GSK3B: variants seen among roughly 807,000 people sequenced by gnomAD.
GSK3B encodes glycogen synthase kinase 3 beta.
A neutral mutation model predicts 56.4 loss-of-function variants in GSK3B; 15 were observed. The observed-to-expected ratio is 0.27, with a 90% CI of 0.18 to 0.41. The LOEUF is 0.41. Ranked by LOEUF, GSK3B falls within the 10% of genes least tolerant of loss-of-function variation. GSK3B has a pLI of 1.00. For synonymous variants in GSK3B, 181 were observed against 188.9 expected, an observed-to-expected ratio of 0.96 and a Z score of 0.34; for missense variants, 300 against 513.4, an observed-to-expected ratio of 0.58 and a Z score of 4.02.
rs1159249614 is a variant in GSK3B, at chr3:120,093,818, AT to A, written c.-385del. The A allele has an allele frequency of 9.9e-6, 2 of 201,814 alleles. No individual in the cohort carries two copies. The highest frequency in any genetic ancestry group is 2.0e-5 in the Non-Finnish European group (2 of 99,936). 12.5% of individuals were successfully genotyped at this position (201,814 alleles called of 1,614,324 possible). On this transcript the variant is annotated 5_prime_UTR_variant, in exon 1 of 11. Transcript: ENST00000264235. ...TTCGAATATTATATTTTCCTCGGGG[AT>A]TTTTTTTCCGAGTCAATGAAGAAGG...
chr3:120,064,453 A>G (rs1446637434), intron 1 of GSK3B, among the ~76,000 whole-genome samples: 4 of 152,124 alleles, frequency 2.6e-5, no homozygotes, highest in Non-Finnish European at 5.9e-5. Flanking sequence ...CTAGGAATAA[A>G]CTTAACTGAA....
At chr3:120,013,472 T>A (rs2057796451) in intron 1 of GSK3B, among the ~76,000 whole-genome samples, 1 of 152,160 alleles carries the variant, frequency 6.6e-6, no homozygotes, top group African/African-American at 2.4e-5. Context: ...CATGCCACAG[T>A]CTAATAAATA....
At chr3:120,076,025 C>T (rs917026077) in intron 1 of GSK3B, among the ~76,000 whole-genome samples, 1 of 152,076 alleles carries the variant, frequency 6.6e-6, no homozygotes, top group Non-Finnish European at 1.5e-5. Flanking sequence ...TAAAAACAGA[C>T]ACACAGACCA....
At chr3:119,988,869 C>CATA (rs1264660379) in intron 2 of GSK3B, among the ~76,000 whole-genome samples, 21 of 152,242 alleles carry the variant, frequency 1.4e-4, no homozygotes, top group Admixed American at 8.5e-4. Flanking sequence ...TATAATAAAG[C>CATA]AAACCATTCC....
intron 2 of GSK3B, among the ~76,000 whole-genome samples, chr3:119,962,151 G>A (rs553553114): frequency 6.6e-6 from 1 of 152,116 alleles, no homozygotes; most frequent in African/African-American, 2.4e-5. Flanking sequence ...TGAGGCAGGT[G>A]GATCACCTGA....
chr3:120,038,023 T>C (rs1056377071), intron 1 of GSK3B, among the ~76,000 whole-genome samples: 15 of 152,220 alleles, frequency 9.9e-5, no homozygotes, highest in Non-Finnish European at 1.3e-4. Context: ...AAACAATTTA[T>C]ATTAAATATT....
At chr3:120,076,771 G>A (rs887446290) in intron 1 of GSK3B, among the ~76,000 whole-genome samples, 1 of 130,054 alleles carries the variant, frequency 7.7e-6, no homozygotes, top group African/African-American at 3.0e-5. Flanking sequence ...TCGAGATCGC[G>A]CCACTGCACT....
At chr3:119,885,644 G>A (rs183555301) in intron 7 of GSK3B, among the ~76,000 whole-genome samples, 16 of 152,058 alleles carry the variant, frequency 1.1e-4, no homozygotes, top group South Asian at 2.1e-4. Flanking sequence ...ATTACCTGAC[G>A]TCAAACTGTA....
intron 1 of GSK3B, among the ~76,000 whole-genome samples, chr3:120,025,504 T>C (rs532005814): frequency 6.1e-4 from 93 of 152,304 alleles, no homozygotes; most frequent in African/African-American, 2.0e-3. Flanking sequence ...CTGGAGAAGA[T>C]AGCAAATATG....
intron 3 of GSK3B, among the ~76,000 whole-genome samples, chr3:119,936,711 A>T (rs2056998691): frequency 6.6e-6 from 1 of 151,902 alleles, no homozygotes; most frequent in Admixed American, 6.6e-5. Context: ...TATATACACA[A>T]ATGCACCAAT....
intron 7 of GSK3B, among the ~76,000 whole-genome samples, chr3:119,879,306 G>A (rs1466585833): frequency 6.6e-6 from 1 of 151,926 alleles, no homozygotes; most frequent in Non-Finnish European, 1.5e-5. Flanking sequence ...TCAGCCTCCC[G>A]AGTAGCTGGG....
At chr3:119,833,757 G>A (rs1031101233) in intron 10 of GSK3B, among the ~76,000 whole-genome samples, 4 of 144,472 alleles carry the variant, frequency 2.8e-5, no homozygotes, top group East Asian at 2.1e-4. Context: ...GTGCAGTGGC[G>A]CAATCTCAGC....
Position 120,086,249 on chromosome 3 carries a change from C to G in GSK3B, c.88+7098G>C, listed in dbSNP as rs188537023. Reference sequence around the variant, plus strand: ...AACAAATCTTAAATCAGATAAAACTCTGCTGCTGAGTTAATAAATGTAGAT... The same window carrying G: ...AACAAATCTTAAATCAGATAAAACTGTGCTGCTGAGTTAATAAATGTAGAT... On this transcript the variant is annotated intron_variant, in intron 1 of 10. Coordinates refer to ENST00000264235, the MANE Select transcript of GSK3B (RefSeq NM_001146156.2). 1.9e-4 allele frequency among the ~76,000 whole-genome samples: 28 copies of G among 151,206 alleles called. No individual in the cohort carries two copies. In the East Asian group the frequency reaches 5.2e-3, roughly 28 times the overall value.
At chr3:119,851,627 A>C (rs949658045) in intron 9 of GSK3B, among the ~76,000 whole-genome samples, 3 of 152,218 alleles carry the variant, frequency 2.0e-5, no homozygotes, top group African/African-American at 7.2e-5. Context: ...CTTAGCAGTC[A>C]TTATATAAAA....
intron 2 of GSK3B, among the ~76,000 whole-genome samples, chr3:119,964,435 A>G (rs1247320355): frequency 6.6e-6 from 1 of 152,246 alleles, no homozygotes; most frequent in African/African-American, 2.4e-5. Context: ...AGTTTTTTTA[A>G]TAAGAAGGAA....
At chr3:119,901,915 A>G (rs2056628548) in intron 7 of GSK3B, among the ~76,000 whole-genome samples, 1 of 152,166 alleles carries the variant, frequency 6.6e-6, no homozygotes, top group Non-Finnish European at 1.5e-5. Context: ...TTAAATTCAG[A>G]GAAGAGTTAT....
At chr3:119,989,105 C>T (rs1022242923) in intron 2 of GSK3B, among the ~76,000 whole-genome samples, 2 of 152,186 alleles carry the variant, frequency 1.3e-5, no homozygotes, top group East Asian at 3.8e-4. Context: ...TCAGCAGACG[C>T]TGCCTCTAAG....
At chr3:119,867,029 C>T (rs924165082) in intron 8 of GSK3B, among the ~76,000 whole-genome samples, 2 of 152,084 alleles carry the variant, frequency 1.3e-5, no homozygotes, top group African/African-American at 4.8e-5. Context: ...CATCCACAGA[C>T]ATGGCTGGGA....
chr3:119,827,182 A>T (rs1435224112), intron 10 of GSK3B, among the ~76,000 whole-genome samples: 1 of 152,228 alleles, frequency 6.6e-6, no homozygotes. Context: ...AGTTCACTTG[A>T]AAATAAATGA....
Sources: allele counts gnomAD v4.1 joint callset (sites outside exome capture counted in the v4.1 genomes callset), GRCh38; gene constraint gnomAD v4.1.1; transcripts MANE v1.5; gene names NCBI Gene and HGNC (gene_info 2026-07-23, HGNC 2026-07-21).